DLG2: variants seen among roughly 807,000 people sequenced by gnomAD.
DLG2 encodes the protein discs large MAGUK scaffold protein 2.
A neutral mutation model predicts 132.5 loss-of-function variants in DLG2; 45 were observed. The ratio of observed to expected loss-of-function variants is 0.34; its 90% CI spans 0.27 to 0.44. DLG2 has a LOEUF of 0.44. Among genes scored for constraint, DLG2 ranks in the 20% least tolerant of loss-of-function variants. DLG2 has a pLI of 1.00. For synonymous variants in DLG2, 424 were observed against 419.6 expected (o/e 1.01, Z -0.13); for missense variants, 1,045 against 1,196.9 (o/e 0.87, Z 1.87).
chr11:84,891,693 G>A (rs1305124751), intron 6 of DLG2, among the ~76,000 whole-genome samples: 2 of 152,140 alleles, frequency 1.3e-5, no homozygotes, highest in African/African-American at 4.8e-5. Context: ...GGTCATTTGG[G>A]CAGATTCCCA....
intron 3 of DLG2, among the ~76,000 whole-genome samples, chr11:85,538,454 C>G (rs1240874145): frequency 6.6e-6 from 1 of 151,800 alleles, no homozygotes; most frequent in Admixed American, 6.6e-5. Flanking sequence ...GACCTAGAAC[C>G]AGAAATACCA....
chr11:84,835,359 G>A (rs1474929717), intron 6 of DLG2, among the ~76,000 whole-genome samples: 1 of 151,622 alleles, frequency 6.6e-6, no homozygotes, highest in African/African-American at 2.4e-5. Flanking sequence ...TATGATAGAT[G>A]CAAATTTGGG....
intron 6 of DLG2, among the ~76,000 whole-genome samples, chr11:84,798,515 G>A (rs1421787837): frequency 6.6e-6 from 1 of 152,114 alleles, no homozygotes; most frequent in Non-Finnish European, 1.5e-5. Flanking sequence ...AGACTCAGGG[G>A]CTCTTCAGTC....
chr11:84,537,686 G>GT (rs2099358853), intron 6 of DLG2, among the ~76,000 whole-genome samples: 4 of 152,124 alleles, frequency 2.6e-5, no homozygotes, highest in Admixed American at 2.6e-4. Flanking sequence ...TATTTTCTGT[G>GT]TTTTTCCACG....
chr11:84,048,113 A>G (rs2096276810), intron 11 of DLG2, among the ~76,000 whole-genome samples: 1 of 151,550 alleles, frequency 6.6e-6, no homozygotes, highest in Non-Finnish European at 1.5e-5. Flanking sequence ...GTACCTGGGA[A>G]CAAGGTGAAT....
chr11:85,487,878 T>C (rs898579136), intron 3 of DLG2, among the ~76,000 whole-genome samples: 2 of 152,106 alleles, frequency 1.3e-5, no homozygotes, highest in Non-Finnish European at 2.9e-5. Flanking sequence ...CTGTCTAATA[T>C]GGTTTGGCTC....
At chr11:85,272,001 G>T (rs183328368) in intron 4 of DLG2, among the ~76,000 whole-genome samples, 1 of 152,310 alleles carries the variant, frequency 6.6e-6, no homozygotes, top group African/African-American at 2.4e-5. Flanking sequence ...GAGGGGCCAG[G>T]TGTGAATGAT....
intron 6 of DLG2, among the ~76,000 whole-genome samples, chr11:84,630,815 A>G (rs1488707865): frequency 6.6e-6 from 1 of 152,154 alleles, no homozygotes; most frequent in Non-Finnish European, 1.5e-5. Context: ...GAACTCTAGC[A>G]GTCAGCCTCA....
At chr11:84,317,262 A>T in intron 7 of DLG2, 1 of 1,495,304 alleles carries the variant, frequency 6.7e-7, no homozygotes, top group Non-Finnish European at 8.9e-7. Context: ...ATTCCTCAGT[A>T]TCTTTGACAG....
intron 18 of DLG2, among the ~76,000 whole-genome samples, chr11:83,653,700 A>C (rs1202033987): frequency 6.6e-6 from 1 of 152,204 alleles, no homozygotes; most frequent in African/African-American, 2.4e-5. Context: ...CACAAAAATA[A>C]ATCACGTTAA....
At chr11:85,157,120 T>G (rs1486143707) in intron 4 of DLG2, among the ~76,000 whole-genome samples, 1 of 152,200 alleles carries the variant, frequency 6.6e-6, no homozygotes, top group East Asian at 1.9e-4. Context: ...CCTCCCAGCC[T>G]ACATCCTTCT....
At chr11:83,947,408 A>G (rs963877603) in intron 14 of DLG2, among the ~76,000 whole-genome samples, 3 of 152,204 alleles carry the variant, frequency 2.0e-5, no homozygotes, top group Non-Finnish European at 2.9e-5. Flanking sequence ...ATCAATATAA[A>G]GTCACAAAAT....
intron 17 of DLG2, among the ~76,000 whole-genome samples, chr11:83,796,774 C>G (rs1166866283): frequency 6.6e-6 from 1 of 152,130 alleles, no homozygotes; most frequent in East Asian, 1.9e-4. Context: ...AAAGTATCCA[C>G]TTAGTTATTT....
chr11:85,378,191 C>T (rs1036822649), intron 3 of DLG2, among the ~76,000 whole-genome samples: 2 of 152,084 alleles, frequency 1.3e-5, no homozygotes, highest in African/African-American at 4.8e-5. Flanking sequence ...CCAAACAATT[C>T]ATACAGAAAT....
At chr11:85,484,914 G>A (rs2093392616) in intron 3 of DLG2, among the ~76,000 whole-genome samples, 1 of 152,088 alleles carries the variant, frequency 6.6e-6, no homozygotes, top group Admixed American at 6.6e-5. Flanking sequence ...TATGTTTATT[G>A]TGGCACTATT....
At chr11:84,437,419 A>G (rs1191027764) in intron 7 of DLG2, 1 of 152,212 alleles carries the variant, frequency 6.6e-6, no homozygotes, top group Non-Finnish European at 1.5e-5. Flanking sequence ...GGCATTGTGC[A>G]CGAACCTGCG....
At chr11:85,577,699 A>G (rs2078241249) in intron 3 of DLG2, among the ~76,000 whole-genome samples, 1 of 152,128 alleles carries the variant, frequency 6.6e-6, no homozygotes, top group South Asian at 2.1e-4. Context: ...AGTACAGAGT[A>G]TAATTTTTTT....
At chr11:83,714,741 T>C (rs1420045652) in intron 18 of DLG2, among the ~76,000 whole-genome samples, 2 of 152,230 alleles carry the variant, frequency 1.3e-5, no homozygotes, top group African/African-American at 4.8e-5. Context: ...ATTATTATTA[T>C]ACTTTAAGTT....
rs574436512 is a variant in DLG2, at chr11:85,556,500, G to T, written c.40+42157C>A. Among the ~76,000 whole-genome samples the T allele has an allele frequency of 2.0e-5, 3 of 151,944 alleles. No individual in the cohort carries two copies. The East Asian group carries it at 5.8e-4, about 29-fold the overall frequency. ...TACAAAGTCGATTATTATTTTGCAT[G>T]TATTCTTCTAGTGTTTACAAATTAA... On this transcript the variant is annotated intron_variant, in intron 3 of 27. Transcript: ENST00000376104.
Sources: allele counts gnomAD v4.1 joint callset (sites outside exome capture counted in the v4.1 genomes callset), GRCh38; gene constraint gnomAD v4.1.1; transcripts MANE v1.5; gene names NCBI Gene and HGNC (gene_info 2026-07-23, HGNC 2026-07-21).